The following RYR2 variants were observed in gnomAD, a reference collection of about 807,000 sequenced individuals.
The protein encoded by RYR2 is ryanodine receptor 2, also known as cardiac muscle ryanodine receptor-calcium release channel.
Under a neutral mutation model 601.1 loss-of-function variants are expected in RYR2, and 227 were observed. The ratio of observed to expected loss-of-function variants is 0.38; its 90% confidence interval spans 0.34 to 0.42. RYR2 has a LOEUF of 0.42. Ranked by LOEUF, RYR2 falls within the 10% of genes least tolerant of loss-of-function variation. The pLI is 1.00. For missense variants in RYR2, 4,646 were observed against 6,156.5 expected (o/e 0.75, Z 8.21); for synonymous variants, 2,223 against 2,175.1 (o/e 1.02, Z -0.61).
chr1:237,757,916 A>C, intron 82 of RYR2, 140 bp downstream of exon 82: 2 of 517,844 alleles, frequency 3.9e-6, no homozygotes, highest in Non-Finnish European at 6.9e-6. Context: ...AAGAGAGAGC[A>C]AAAGAGGGAA....
At position 237,650,113 on chromosome 1, in the gene RYR2, A is replaced by T. The variant is rs1365807519; in HGVS notation, c.7733+16A>T. 1 of 1,600,678 alleles carries T rather than the reference A, an allele frequency of 6.2e-7. No homozygotes were observed. Among genetic ancestry groups the T allele is most frequent in the Admixed American group, 1.7e-5 (1 of 59,786 alleles). On this transcript the variant is annotated intron_variant, in intron 50 of 104. Coordinates refer to ENST00000366574, the MANE Select transcript of RYR2 (RefSeq NM_001035.3). Reference sequence around the variant, plus strand: ...CTATTTGTGGGTGAGTGGATAACAAATTCTATTCCGGCTTCTTCTTTAAAA... The same window carrying T: ...CTATTTGTGGGTGAGTGGATAACAATTTCTATTCCGGCTTCTTCTTTAAAA...
chr1:237,747,117 G>T (rs369634670), intron 80 of RYR2, among the ~76,000 whole-genome samples: 41 of 152,152 alleles, frequency 2.7e-4, no homozygotes, highest in African/African-American at 9.4e-4. Context: ...GTATAGATTT[G>T]TTGTTGACTG....
intron 17 of RYR2, among the ~76,000 whole-genome samples, chr1:237,469,713 C>G (rs1660498053): frequency 6.6e-6 from 1 of 151,994 alleles, no homozygotes; most frequent in African/African-American, 2.4e-5. Flanking sequence ...TCCTTGTATT[C>G]AAAAGATTAT....
intron 1 of RYR2, among the ~76,000 whole-genome samples, chr1:237,061,481 A>T (rs1227387899): frequency 6.6e-6 from 1 of 152,086 alleles, no homozygotes; most frequent in Admixed American, 6.6e-5. Context: ...ATGCCAGCTA[A>T]TTTAATTTTT....
intron 18 of RYR2, 105 bp from the exon 19 acceptor site, chr1:237,492,849 A>C: frequency 8.5e-7 from 1 of 1,171,110 alleles, no homozygotes; most frequent in Non-Finnish European, 1.2e-6. Context: ...GGAAGGAAGG[A>C]AGGAAGGAAG....
intron 2 of RYR2, among the ~76,000 whole-genome samples, chr1:237,274,795 A>C (rs1293881419): frequency 6.6e-6 from 1 of 152,048 alleles, no homozygotes; most frequent in African/African-American, 2.4e-5. Flanking sequence ...TTTTTACTGT[A>C]CTTTTTCTAT....
At chr1:237,255,244 C>G (rs1034997014) in intron 1 of RYR2, among the ~76,000 whole-genome samples, 1 of 152,142 alleles carries the variant, frequency 6.6e-6, no homozygotes. Flanking sequence ...CGATGTTAAT[C>G]TCATCTCACA....
rs183228637 is a variant in RYR2, at chr1:237,423,316, G to A, written c.1005+68G>A. 30 of 1,503,190 alleles carry A rather than the reference G, an allele frequency of 2.0e-5. No homozygotes were observed. In the East Asian group the frequency reaches 7.0e-4, roughly 35 times the overall value. The allele number at this position is 1,503,190 out of a possible 1,614,324, so 93.1% of individuals were successfully genotyped here. A position where few individuals can be genotyped will look rare whatever the true frequency, so the allele number is the denominator to read the frequency against. On this transcript the variant is annotated intron_variant, in intron 12 of 104. Coordinates refer to ENST00000366574, the MANE Select transcript of RYR2 (RefSeq NM_001035.3). ...GTCATATTTCCTTTGATGTTAGAAA[G>A]GAGAAAAGAAATGAGAAAATAAATG...
Position 237,781,836 on chromosome 1 carries a change from G to T in RYR2, c.11962+190G>T, listed in dbSNP as rs535273806. ...TTAAAGGGAGATCCTGCATATCTCA[G>T]TTTACATATCTACAAAATGAAAATA... On this transcript the variant is annotated intron_variant, in intron 89 of 104. Coordinates refer to ENST00000366574, the MANE Select transcript of RYR2 (RefSeq NM_001035.3). 3.3e-4 allele frequency among the ~76,000 whole-genome samples: 50 copies of T among 152,198 alleles called. No individual in the cohort carries two copies. In the South Asian group the frequency reaches 9.7e-3, roughly 30 times the overall value.
At chr1:237,477,081 G>T (rs1661489324) in intron 17 of RYR2, among the ~76,000 whole-genome samples, 1 of 152,118 alleles carries the variant, frequency 6.6e-6, no homozygotes, top group Admixed American at 6.5e-5. Flanking sequence ...GGGCTTACTT[G>T]AGAAAAACTG....
At chr1:237,751,119 G>A (rs150089830) in intron 80 of RYR2, among the ~76,000 whole-genome samples, 5 of 152,214 alleles carry the variant, frequency 3.3e-5, no homozygotes, top group East Asian at 1.9e-4. Flanking sequence ...ACACTCTGGC[G>A]CCCTCATGAC....
chr1:237,323,541 G>C (rs1695843405), intron 2 of RYR2, among the ~76,000 whole-genome samples: 1 of 152,100 alleles, frequency 6.6e-6, no homozygotes, highest in African/African-American at 2.4e-5. Flanking sequence ...TAAAATAATT[G>C]TAAAAATCAG....
intron 40 of RYR2, among the ~76,000 whole-genome samples, chr1:237,626,227 A>G (rs1017620985): frequency 6.6e-6 from 1 of 152,184 alleles, no homozygotes; most frequent in African/African-American, 2.4e-5. Flanking sequence ...CAACTGTTGT[A>G]TACTTCTGGT....
At chr1:237,541,955 C>T (rs1248109784) in intron 25 of RYR2, among the ~76,000 whole-genome samples, 1 of 152,148 alleles carries the variant, frequency 6.6e-6, no homozygotes, top group Non-Finnish European at 1.5e-5. Context: ...TCAGTTACTT[C>T]AGGCCACCTG....
At chr1:237,187,081 A>G (rs1388485316) in intron 1 of RYR2, among the ~76,000 whole-genome samples, 1 of 152,212 alleles carries the variant, frequency 6.6e-6, no homozygotes, top group Non-Finnish European at 1.5e-5. Context: ...TGTTGAGTTT[A>G]GAAAGTGAAT....
intron 1 of RYR2, among the ~76,000 whole-genome samples, chr1:237,047,389 CT>C (rs3056166): frequency 0.25 from 30,607 of 123,370 alleles, 3,150 homozygotes; most frequent in East Asian, 0.42. Flanking sequence ...CCTTTCTAGC[CT>C]TTTTTTTTTT....
At chr1:237,549,639 T>C (rs754757564) in intron 26 of RYR2, among the ~76,000 whole-genome samples, 5,100 of 145,668 alleles carry the variant, frequency 0.035, 162 homozygotes, top group Middle Eastern at 0.096. Context: ...TTTTTTTTTT[T>C]TTTTTTTTTT....
chr1:237,175,533 C>T (rs969092739), intron 1 of RYR2, among the ~76,000 whole-genome samples: 4 of 152,058 alleles, frequency 2.6e-5, no homozygotes, highest in African/African-American at 2.4e-5. Context: ...TGTATATGTG[C>T]ACCAATAACA....
At chr1:237,065,631 C>T (rs1442237574) in intron 1 of RYR2, among the ~76,000 whole-genome samples, 1 of 152,142 alleles carries the variant, frequency 6.6e-6, no homozygotes, top group Non-Finnish European at 1.5e-5. Context: ...GCCACCATCC[C>T]TAGCCCATGG....
Sources: allele counts gnomAD v4.1 joint callset (sites outside exome capture counted in the v4.1 genomes callset), GRCh38; gene constraint gnomAD v4.1.1; transcripts MANE v1.5; gene names NCBI Gene and HGNC (gene_info 2026-07-23, HGNC 2026-07-21).